The following DNAH3 variants were observed in gnomAD, a reference collection of about 807,000 sequenced individuals.
The protein encoded by DNAH3 is dynein axonemal heavy chain 3.
A neutral mutation model predicts 432.5 loss-of-function variants in DNAH3; 332 were observed. That is an observed-to-expected ratio of 0.77 (90% CI 0.70 to 0.84). The LOEUF is 0.84. Among genes scored for constraint, DNAH3 ranks in the 40% least tolerant of loss-of-function variants. The pLI, the probability that DNAH3 is intolerant of heterozygous loss-of-function variation, is 0.00. For synonymous variants in DNAH3, 1,956 were observed against 1,900.2 expected (o/e 1.03, Z -0.76); for missense variants, 4,861 against 5,114.0 (o/e 0.95, Z 1.51).
At chr16:21,070,805 T>C in exon 22 of DNAH3, 3 of 1,609,164 alleles carry the variant, frequency 1.9e-6, no homozygotes, top group South Asian at 1.1e-5. Flanking sequence ...ATGTCATCAA[T>C]TGCACACAAG....
At chr16:21,145,124 A>G (rs2092766452) in intron 3 of DNAH3, 57 bp downstream of exon 4, 2 of 1,387,128 alleles carry the variant, frequency 1.4e-6, no homozygotes, top group Non-Finnish European at 2.0e-6. Context: ...ATAAATAAAT[A>G]AATAAAAATT....
chr16:21,038,301 G>A (rs1297250202), intron 33 of DNAH3, among the ~76,000 whole-genome samples: 2 of 152,142 alleles, frequency 1.3e-5, no homozygotes, highest in Non-Finnish European at 2.9e-5. Context: ...AGGAGTCCGA[G>A]GCCAGGAGTC....
Position 20,950,281 on chromosome 16 carries a change from C to G in DNAH3, c.11189-1644G>C, listed in dbSNP as rs544013388. ...GTCAATGTGACCTTCTGGCACTGAA[C>G]TTAATCACTGTAAAGAACAGTCTTT... On this transcript the variant is annotated intron_variant, in intron 56 of 61. Transcript: ENST00000261383. 2.0e-5 allele frequency among the ~76,000 whole-genome samples: 3 copies of G among 152,318 alleles called. No individual in the cohort carries two copies. In the East Asian group the frequency reaches 5.8e-4, roughly 29 times the overall value.
Position 20,935,617 on chromosome 16 carries a change from T to G in DNAH3, c.11860-132A>C, listed in dbSNP as rs369693866. On this transcript the variant is annotated intron_variant, in intron 60 of 61. Coordinates refer to ENST00000261383, the Ensembl canonical transcript of DNAH3. ...CTTGAAACAGCCCTCTTGGTTTAGC[T>G]TCTATCTTCCCACTTTTGAAATAAG... 8.3e-5 allele frequency: 80 copies of G among 967,416 alleles called. 3 individuals are homozygous for G. In the Middle Eastern group the frequency reaches 4.0e-3, roughly 48 times the overall value. 59.9% of individuals were successfully genotyped at this position (967,416 alleles called of 1,614,324 possible).
chr16:21,087,101 G>A (rs1334762767), intron 18 of DNAH3, 41 bp from the exon 19 acceptor site: 2 of 1,528,082 alleles, frequency 1.3e-6, no homozygotes, highest in South Asian at 2.2e-5. Flanking sequence ...CCATCATGTG[G>A]ATGTTAGTCA....
At chr16:21,100,699 C>T (rs1379750963) in intron 16 of DNAH3, among the ~76,000 whole-genome samples, 1 of 152,218 alleles carries the variant, frequency 6.6e-6, no homozygotes, top group Non-Finnish European at 1.5e-5. Flanking sequence ...ACTTCCAGAA[C>T]CACGGAACCT....
At chr16:20,959,295 G>C in exon 54 of DNAH3, 1 of 1,614,188 alleles carries the variant, frequency 6.2e-7, no homozygotes, top group Non-Finnish European at 8.5e-7. Context: ...TCCCGTCTTT[G>C]ATGGCATTGT....
intron 57 of DNAH3, among the ~76,000 whole-genome samples, chr16:20,945,284 A>G (rs1757151269): frequency 6.6e-6 from 1 of 152,240 alleles, no homozygotes. Flanking sequence ...GACTGTTTAC[A>G]GATGTCATGA....
intron 1 of DNAH3, chr16:21,159,279 C>A: frequency 6.5e-7 from 1 of 1,527,432 alleles, no homozygotes; most frequent in South Asian, 1.1e-5. Context: ...TCTGAGTTCC[C>A]ATTATTCAGT....
intron 19 of DNAH3, among the ~76,000 whole-genome samples, chr16:21,082,984 T>A (rs939689471): frequency 6.6e-6 from 1 of 151,176 alleles, no homozygotes; most frequent in Middle Eastern, 3.4e-3. Flanking sequence ...TATTATTTTT[T>A]AAATTTTTAT....
At chr16:21,019,780 G>A in exon 41 of DNAH3, 3 of 1,614,136 alleles carry the variant, frequency 1.9e-6, no homozygotes, top group Non-Finnish European at 2.5e-6. Flanking sequence ...AAGGAAAAGA[G>A]AAACAGTCCT....
intron 18 of DNAH3, among the ~76,000 whole-genome samples, chr16:21,091,897 A>G (rs756808269): frequency 1.3e-5 from 2 of 152,194 alleles, no homozygotes; most frequent in Non-Finnish European, 2.9e-5. Flanking sequence ...TTGGGCAAAA[A>G]TCTACCAAAA....
exon 47 of DNAH3, chr16:20,987,442 C>G: frequency 6.2e-7 from 1 of 1,613,950 alleles, no homozygotes; most frequent in Non-Finnish European, 8.5e-7. Flanking sequence ...ATACATTTTT[C>G]TACATCCTAA....
exon 53 of DNAH3, chr16:20,963,793 G>A: frequency 6.2e-7 from 1 of 1,614,034 alleles, no homozygotes; most frequent in South Asian, 1.1e-5. Context: ...CTCAAACAGA[G>A]AACGGCACAC....
rs189555051 is a variant in DNAH3 at position 21,030,496 on chromosome 16, G to T, written c.5439+549C>A. 3.1e-3 allele frequency among the ~76,000 whole-genome samples: 475 copies of T among 152,296 alleles called. 4 individuals are homozygous for T. Among genetic ancestry groups the T allele is most frequent in the Middle Eastern group, 0.02 (6 of 294 alleles). The stretch of plus-strand genomic sequence containing the variant: ...ATCTTGAATGCGGATTTTCTAGCCT[G>T]AGCTGCCCCAGCTGACATCAAAAGA... On this transcript the variant is annotated intron_variant, in intron 37 of 61. Transcript: ENST00000261383.
chr16:21,045,097 T>G lies in DNAH3; in HGVS notation c.4462-2894A>C, dbSNP rs1305452841. Among the ~76,000 whole-genome samples the G allele has an allele frequency of 2.6e-5, 4 of 152,230 alleles. No individual in the cohort carries two copies. The East Asian group carries it at 7.7e-4, about 29-fold the overall frequency. ...TTGCCAGTATTTTATTGAGGATTTT[T>G]GCATCGATGTTCATCAAGGATATTG... On this transcript the variant is annotated intron_variant, in intron 31 of 61. Transcript: ENST00000261383.
In DNAH3 at chr16:21,140,855, T is replaced by A. The variant is rs905153570; in HGVS notation, c.522-145A>T. ...GTCATCTAATGGCATGTGTGTATACTTCCAAGATGACCCTAATGACTGAAC... is the reference window on the plus strand; with the variant it reads ...GTCATCTAATGGCATGTGTGTATACATCCAAGATGACCCTAATGACTGAAC... On this transcript the variant is annotated intron_variant, in intron 4 of 61. Coordinates refer to ENST00000261383, the Ensembl canonical transcript of DNAH3. The A allele has an allele frequency of 4.0e-5, 27 of 669,394 alleles. No individual in the cohort carries two copies. In the East Asian group the frequency reaches 7.4e-4, roughly 18 times the overall value. 41.5% of individuals were successfully genotyped at this position (669,394 alleles called of 1,614,324 possible).
In DNAH3 at chr16:20,936,175, C is replaced by T. The variant is rs531776161; in HGVS notation, c.11859+474G>A. Among the ~76,000 whole-genome samples, 135 of 151,034 alleles carry T rather than the reference C, an allele frequency of 8.9e-4. 1 individual carries two copies. In the East Asian group the frequency reaches 9.3e-3, roughly 10 times the overall value. On this transcript the variant is annotated intron_variant, in intron 60 of 61. Coordinates refer to ENST00000261383, the Ensembl canonical transcript of DNAH3. ...TTGTGACATTTTTTTTCTTTTTAGA[C>T]GGAGTCTTGCTCTGTCGCCCAGGCT...
At chr16:21,019,662 C>T in exon 41 of DNAH3, 2 of 1,614,080 alleles carry the variant, frequency 1.2e-6, no homozygotes, top group Non-Finnish European at 1.7e-6. Context: ...GAGTTTGACG[C>T]TTTTGGGCCT....
Sources: allele counts gnomAD v4.1 joint callset (sites outside exome capture counted in the v4.1 genomes callset), GRCh38; gene constraint gnomAD v4.1.1; transcripts MANE v1.5; gene names NCBI Gene and HGNC (gene_info 2026-07-23, HGNC 2026-07-21).